NBPF10: variants seen among roughly 807,000 people sequenced by gnomAD.
The protein encoded by NBPF10 is NBPF family member NBPF10.
NBPF10 carries 63 observed loss-of-function variants against 77.9 expected under a neutral mutation model. That is an observed-to-expected ratio of 0.81 (90% CI 0.66 to 1.00). The LOEUF (loss-of-function observed/expected upper bound fraction) is 1.00, where lower values mean the gene tolerates loss of function less well. Among genes scored for constraint, NBPF10 ranks in the 50% least tolerant of loss-of-function variants. The pLI, the probability that NBPF10 is intolerant of heterozygous loss-of-function variation, is 0.00. For missense variants in NBPF10, 522 were observed against 679.8 expected (o/e 0.77, Z 2.58); for synonymous variants, 146 against 264.5 (o/e 0.55, Z 4.35).
intron 88 of NBPF10, among the ~76,000 whole-genome samples, chr1:146,067,546 T>C (rs1408906508): frequency 1.3e-5 from 2 of 149,990 alleles, no homozygotes; most frequent in African/African-American, 4.9e-5. Context: ...GTGCAAACAG[T>C]TACGCCATAT....
At chr1:146,142,614 C>G (rs782358079) in intron 2 of NBPF10, 36 bp downstream of exon 2, 2 of 1,151,350 alleles carry the variant, frequency 1.7e-6, no homozygotes, top group Non-Finnish European at 2.5e-6. Flanking sequence ...GATCTACACA[C>G]CTACCCGCCT....
rs587733488 is a variant in NBPF10 at position 146,126,413 on chromosome 1, A to T, written c.1854-5T>A. On this transcript the variant is annotated splice_region_variant and splice_polypyrimidine_tract_variant and intron_variant, in intron 13 of 89. Coordinates refer to ENST00000583866, the Ensembl canonical transcript of NBPF10. Reference sequence around the variant, plus strand: ...TCCAGCAGCTCCCTGCTGAGCGTGGAAAAGTAGGAAAAAGTAAAGAATAAG... The same window carrying T: ...TCCAGCAGCTCCCTGCTGAGCGTGGTAAAGTAGGAAAAAGTAAAGAATAAG... The T allele has an allele frequency of 1.4e-5, 16 of 1,127,956 alleles. No individual in the cohort carries two copies. Among genetic ancestry groups the T allele is most frequent in the South Asian group, 1.4e-4 (11 of 80,740 alleles). The allele number at this position is 1,127,956 out of a possible 1,614,324, so 69.9% of individuals were successfully genotyped here. A position where few individuals can be genotyped will look rare whatever the true frequency, so the allele number is the denominator to read the frequency against.
intron 15 of NBPF10, among the ~76,000 whole-genome samples, chr1:146,125,096 C>T (rs1468364622): frequency 1.6e-5 from 1 of 61,508 alleles, no homozygotes; most frequent in Non-Finnish European, 3.0e-5. Flanking sequence ...AAAGTGAGCT[C>T]AGCGAGTTGG....
At chr1:146,134,397 CT>C (rs1257576214) in intron 8 of NBPF10, 132 bp from the exon 9 acceptor site, 1 of 676,814 alleles carries the variant, frequency 1.5e-6, no homozygotes, top group Non-Finnish European at 2.5e-6. Flanking sequence ...CATGTTTTAT[CT>C]TTAACAGAAT....
rs1414993107 is a variant in NBPF10 at position 146,129,326 on chromosome 1, GCA to G, written c.1638-1046_1638-1045del. ...TGACCTGATGGAGCTGAAAACCATG[GCA>G]CGAGAACTACGTGATGCATGCACAA... On this transcript the variant is annotated intron_variant, in intron 11 of 89. Transcript: ENST00000583866. 3.4e-5 allele frequency among the ~76,000 whole-genome samples: 5 copies of G among 148,326 alleles called. No homozygotes were observed. In the Admixed American group the frequency reaches 3.4e-4, roughly 10 times the overall value.
intron 2 of NBPF10, 126 bp from the exon 3 acceptor site, chr1:146,141,944 G>T (rs1284073274): frequency 1.6e-5 from 12 of 772,176 alleles, no homozygotes; most frequent in Non-Finnish European, 2.7e-5. Flanking sequence ...AGCACATGTT[G>T]AAAGGAATGA....
chr1:146,121,990 G>C (rs1230791402), intron 19 of NBPF10, among the ~76,000 whole-genome samples: 2,125 of 105,550 alleles, frequency 0.02, no homozygotes, highest in Non-Finnish European at 0.027. Context: ...AGCAAACTGT[G>C]ATCATGAAAA....
At position 146,135,416 on chromosome 1, in the gene NBPF10, CT is replaced by C. The variant is rs1195059852; in HGVS notation, c.1196del (p.Gln399ArgfsTer190). 1 of 1,274,542 alleles carries C rather than the reference CT, an allele frequency of 7.8e-7. No homozygotes were observed. The highest frequency in any genetic ancestry group is 1.6e-5 in the African/African-American group (1 of 62,954). 79.0% of individuals were successfully genotyped at this position (1,274,542 alleles called of 1,614,324 possible). A position where few individuals can be genotyped will look rare whatever the true frequency, so the allele number is the denominator to read the frequency against. Reference sequence around the variant, plus strand: ...CCGGCTCATACGGAGTGAGGAGGGCCTGGAGATGCTCATTCAATGAGCGGGA... The same window carrying C: ...CCGGCTCATACGGAGTGAGGAGGGCCGGAGATGCTCATTCAATGAGCGGGA... On this transcript the variant is annotated frameshift_variant, in exon 8 of 90. Coordinates refer to ENST00000583866, the Ensembl canonical transcript of NBPF10. LOFTEE classifies it high-confidence loss of function.
At chr1:146,141,393 T>C (rs1222618476) in intron 3 of NBPF10, among the ~76,000 whole-genome samples, 1 of 114,460 alleles carries the variant, frequency 8.7e-6, no homozygotes, top group Non-Finnish European at 2.1e-5. Flanking sequence ...CCACCTTCCA[T>C]CAAGGAAGGA....
In NBPF10 at chr1:146,129,979, T is replaced by C. The variant is rs1407520491; in HGVS notation, c.1638-1697A>G. Reference sequence around the variant, plus strand: ...CAGGTTAGTTACATATGTATACATGTCCACATTGGTGTGCTTCACCCATTA... The same window carrying C: ...CAGGTTAGTTACATATGTATACATGCCCACATTGGTGTGCTTCACCCATTA... On this transcript the variant is annotated intron_variant, in intron 11 of 89. Transcript: ENST00000583866. Among the ~76,000 whole-genome samples, 54 of 86,040 alleles carry C rather than the reference T, an allele frequency of 6.3e-4. 7 individuals carry two copies. Among genetic ancestry groups the C allele is most frequent in the Non-Finnish European group, 9.5e-4 (41 of 43,204 alleles). 56.4% of individuals were successfully genotyped at this position (86,040 alleles called of 152,430 possible).
intron 6 of NBPF10, among the ~76,000 whole-genome samples, chr1:146,137,592 T>C (rs781848816): frequency 3.1e-3 from 319 of 102,072 alleles, no homozygotes; most frequent in Middle Eastern, 4.8e-3. Flanking sequence ...GGTTTCTCCA[T>C]GTTGCCCAGG....
At chr1:146,139,444 GGAGA>G (rs1181208871) in intron 5 of NBPF10, among the ~76,000 whole-genome samples, 1 of 150,328 alleles carries the variant, frequency 6.7e-6, no homozygotes, top group Admixed American at 6.6e-5. Context: ...CCAATGAAAA[GGAGA>G]GAGAGTCTAG....
intron 7 of NBPF10, among the ~76,000 whole-genome samples, chr1:146,136,080 G>T (rs1242063632): frequency 6.7e-6 from 1 of 148,428 alleles, no homozygotes; most frequent in Non-Finnish European, 1.5e-5. Context: ...GCTGCTGTGT[G>T]GTTCACACTC....
At chr1:146,125,693 G>T (rs1658519676) in intron 14 of NBPF10, among the ~76,000 whole-genome samples, 177 bp from the exon 15 acceptor site, 1 of 130,506 alleles carries the variant, frequency 7.7e-6, no homozygotes, top group African/African-American at 3.0e-5. Flanking sequence ...CTTGGTTTTT[G>T]TCCCAGAAAC....
exon 1 of NBPF10, chr1:146,144,665 G>C (rs4356110): frequency 8.0e-7 from 1 of 1,249,736 alleles, no homozygotes; most frequent in Non-Finnish European, 1.1e-6. Context: ...TGAGGCTTCT[G>C]AACTGCTGTT....
chr1:146,109,332 A>G (rs1553785518), intron 35 of NBPF10, among the ~76,000 whole-genome samples: 3 of 104,758 alleles, frequency 2.9e-5, no homozygotes, highest in Admixed American at 2.2e-4. Flanking sequence ...ACACACACAC[A>G]CACACACACA....
intron 1 of NBPF10, among the ~76,000 whole-genome samples, 155 bp from the exon 2 acceptor site, chr1:146,142,907 C>A (rs1157929203): frequency 2.0e-4 from 22 of 109,248 alleles, no homozygotes; most frequent in African/African-American, 5.7e-4. Flanking sequence ...CTTCAGTCTC[C>A]TGACTTTCTG....
intron 11 of NBPF10, among the ~76,000 whole-genome samples, chr1:146,128,910 T>C (rs1471788427): frequency 6.7e-6 from 1 of 149,530 alleles, no homozygotes; most frequent in Non-Finnish European, 1.5e-5. Context: ...ACCTGACTGT[T>C]AGAAGGAAAA....
At chr1:146,126,890 CA>C (rs1553790348) in intron 13 of NBPF10, 137 bp downstream of exon 13, 1 of 514,472 alleles carries the variant, frequency 1.9e-6, no homozygotes, top group Non-Finnish European at 3.4e-6. Context: ...TAATGAGAAC[CA>C]AAAAGCAATG....
Sources: gnomAD v4.1 joint callset for allele counts (sites outside exome capture counted in the v4.1 genomes callset) on GRCh38, gnomAD v4.1.1 for gene constraint, MANE v1.5 for transcripts, NCBI Gene and HGNC (gene_info 2026-07-23, HGNC 2026-07-21) for gene names.